Variants in RIF1 observed in about 807,000 individuals in gnomAD.
The protein encoded by RIF1 is telomere-associated protein RIF1.
In RIF1, 45 loss-of-function variants were observed where a neutral mutation model predicts 247.1. That is an observed-to-expected ratio of 0.18 (90% confidence interval 0.14 to 0.23). The LOEUF (loss-of-function observed/expected upper bound fraction) is 0.23, where lower values mean the gene tolerates loss of function less well. RIF1 is among the 10% of genes least tolerant of loss of function. RIF1 has a pLI of 1.00. For missense variants in RIF1, 2,967 were observed against 2,862.5 expected, an observed-to-expected ratio of 1.04 and a Z score of -0.83; for synonymous variants, 1,087 against 978.8, an observed-to-expected ratio of 1.11 and a Z score of -2.06.
At position 151,410,263 on chromosome 2, in the gene RIF1, G is replaced by C. The variant is rs1001794175; in HGVS notation, c.-10-151G>C. 9 of 658,892 alleles carry C rather than the reference G, an allele frequency of 1.4e-5. No homozygotes were observed. The Admixed American group carries it at 1.9e-4, about 14-fold the overall frequency. 40.8% of individuals were successfully genotyped at this position (658,892 alleles called of 1,614,324 possible). A position where few individuals can be genotyped will look rare whatever the true frequency, so the allele number is the denominator to read the frequency against. On this transcript the variant is annotated intron_variant, in intron 1 of 35. Transcript: ENST00000444746. ...GGGCGCCGGAGGAGGTTCGCGCTGG[G>C]GTTTGGTGATTCGGAGGCCTGGGGT...
At chr2:151,506,107 C>A in intron 12 of RIF1, 1 of 1,388,058 alleles carries the variant, frequency 7.2e-7, no homozygotes, top group South Asian at 1.2e-5. Context: ...ACTCATAGGT[C>A]ATTGTAAATT....
At chr2:151,495,330 A>G (rs1011081693) in intron 10 of RIF1, 62 of 152,238 alleles carry the variant, frequency 4.1e-4, no homozygotes, top group African/African-American at 1.3e-3. Context: ...CAGCAAGGTC[A>G]GTAATGAGAA....
chr2:151,501,391 C>T lies in RIF1; in HGVS notation c.*710-1643C>T, dbSNP rs557688789. On this transcript the variant is annotated intron_variant and NMD_transcript_variant, in intron 11 of 13. Transcript: ENST00000454583. ...AGTTAAAGAGCTTTCTCCCAAATAC[C>T]GAGCTAAAGTTTTCTTGATTGAGTT... The T allele has an allele frequency of 5.8e-6, 9 of 1,541,718 alleles. No homozygotes were observed. In the Admixed American group the frequency reaches 5.9e-5, roughly 10 times the overall value.
intron 9 of RIF1, among the ~76,000 whole-genome samples, chr2:151,432,227 T>C (rs1690291283): frequency 6.6e-6 from 1 of 152,080 alleles, no homozygotes; most frequent in Non-Finnish European, 1.5e-5. Flanking sequence ...TCAGGCTGGT[T>C]TCAAACTCCT....
At chr2:151,499,795 A>G (rs1181749052) in intron 11 of RIF1, among the ~76,000 whole-genome samples, 1 of 152,232 alleles carries the variant, frequency 6.6e-6, no homozygotes, top group Non-Finnish European at 1.5e-5. Context: ...AATCTATGCA[A>G]TATGGCAATT....
the RIF1 span, among the ~76,000 whole-genome samples, chr2:151,515,687 A>G: frequency 6.6e-6 from 1 of 152,176 alleles, no homozygotes; most frequent in Non-Finnish European, 1.5e-5. Flanking sequence ...TAATTTTGTT[A>G]TTTTAATAGA....
chr2:151,457,814 A>G lies in RIF1; in HGVS notation c.2706A>G (p.Gly902=), dbSNP rs1363317949. 1 of 1,613,808 alleles carries G rather than the reference A, an allele frequency of 6.2e-7. No homozygotes were observed. Among genetic ancestry groups the G allele is most frequent in the Non-Finnish European group, 8.5e-7 (1 of 1,179,912 alleles). ...IIACLQFSYT[G]TYDSELLEQL... ...CTTGTCTGCAATTCAGCTACACCGGAACTTATGATAGTGAACTTCTTGAAC... is the reference window on the plus strand; with the variant it reads ...CTTGTCTGCAATTCAGCTACACCGGGACTTATGATAGTGAACTTCTTGAAC... The change falls in exon 24 of 36, where the codon GGA becomes GGG. Residue 902 remains glycine, a synonymous_variant. Transcript: ENST00000444746.
intron 20 of RIF1, among the ~76,000 whole-genome samples, chr2:151,449,229 T>C (rs181663371): frequency 6.6e-6 from 1 of 152,318 alleles, no homozygotes; most frequent in Admixed American, 6.5e-5. Context: ...ATACACTTCT[T>C]GGTTACAGTG....
At chr2:151,461,724 CT>C (rs1268177221) in intron 27 of RIF1, among the ~76,000 whole-genome samples, 1 of 152,058 alleles carries the variant, frequency 6.6e-6, no homozygotes, top group Non-Finnish European at 1.5e-5. Flanking sequence ...AAAAGTTATA[CT>C]TTACATAAAT....
chr2:151,418,937 C>T (rs1022014436), intron 6 of RIF1, among the ~76,000 whole-genome samples: 9 of 149,212 alleles, frequency 6.0e-5, no homozygotes, highest in African/African-American at 1.5e-4. Flanking sequence ...TATTTTCCCT[C>T]GTTAGATCCT....
intron 9 of RIF1, among the ~76,000 whole-genome samples, chr2:151,491,037 CT>C (rs35824119): frequency 0.63 from 87,227 of 137,832 alleles, 27,160 homozygotes; most frequent in Middle Eastern, 0.73. Flanking sequence ...ACATAATATC[CT>C]TTTTTTTTTT....
chr2:151,437,187 TG>T lies in RIF1; in HGVS notation c.1373-53del, dbSNP rs1691385928. 7.8e-6 allele frequency: 11 copies of T among 1,407,180 alleles called. No individual in the cohort carries two copies. The South Asian group carries it at 1.3e-4, about 17-fold the overall frequency. The allele number at this position is 1,407,180 out of a possible 1,614,324, so 87.2% of individuals were successfully genotyped here. The stretch of plus-strand genomic sequence containing the variant: ...CATTTTAAAGTTTTATAGTGAGAAA[TG>T]TATTTCATAAATCTGTTGTTTTACA... On this transcript the variant is annotated intron_variant, in intron 12 of 35. Coordinates refer to ENST00000444746, the MANE Select transcript of RIF1 (RefSeq NM_018151.5).
intron 8 of RIF1, among the ~76,000 whole-genome samples, chr2:151,425,793 A>G (rs1254363772): frequency 6.7e-6 from 1 of 149,986 alleles, no homozygotes; most frequent in African/African-American, 2.5e-5. Context: ...CAGTCTCCCA[A>G]GTAGCTGGGA....
At chr2:151,461,007 G>A (rs151241977) in intron 26 of RIF1, 131 bp from the exon 27 acceptor site, 43 of 792,168 alleles carry the variant, frequency 5.4e-5, no homozygotes, top group East Asian at 3.6e-4. Context: ...AATTTGTTAC[G>A]GATCATGAGT....
chr2:151,415,780 G>T (rs533335241), intron 4 of RIF1, among the ~76,000 whole-genome samples: 9 of 152,138 alleles, frequency 5.9e-5, no homozygotes, highest in Non-Finnish European at 1.3e-4. Flanking sequence ...GGGAGGCTGA[G>T]GCAGGAGAAT....
chr2:151,443,858 T>A, intron 18 of RIF1, 149 bp downstream of exon 18: 1 of 494,734 alleles, frequency 2.0e-6, no homozygotes, highest in Non-Finnish European at 3.4e-6. Context: ...TTTGATTGAT[T>A]TTATTGCATT....
At chr2:151,451,556 A>G in intron 20 of RIF1, 50 bp from the exon 21 acceptor site, 1 of 890,322 alleles carries the variant, frequency 1.1e-6, no homozygotes, top group Non-Finnish European at 1.9e-6. Context: ...CTTTTGTTGA[A>G]TACTGTCCCA....
chr2:151,435,087 G>T (rs1014187467), intron 10 of RIF1, among the ~76,000 whole-genome samples: 2 of 152,004 alleles, frequency 1.3e-5, no homozygotes, highest in African/African-American at 4.8e-5. Flanking sequence ...CTAATTCTTT[G>T]CATTTGTCCA....
intron 3 of RIF1, among the ~76,000 whole-genome samples, chr2:151,413,869 T>C (rs778350766): frequency 9.2e-5 from 14 of 152,238 alleles, no homozygotes; most frequent in Non-Finnish European, 2.9e-5. Flanking sequence ...CAAATAGATA[T>C]GGGGGTTTTG....
Sources: allele counts gnomAD v4.1 joint callset (sites outside exome capture counted in the v4.1 genomes callset), GRCh38; gene constraint gnomAD v4.1.1; transcripts MANE v1.5; gene names NCBI Gene and HGNC (gene_info 2026-07-23, HGNC 2026-07-21).